Variants in FAM193A observed in about 807,000 individuals in gnomAD.
FAM193A encodes family with sequence similarity 193 member A, also known as protein FAM193A.
In FAM193A, 22 loss-of-function variants were observed where a neutral mutation model predicts 126.5. That is an observed-to-expected ratio of 0.17 (90% CI 0.12 to 0.25). The LOEUF (loss-of-function observed/expected upper bound fraction) is 0.25. Ranked by LOEUF, FAM193A falls within the 10% of genes least tolerant of loss-of-function variation. The probability of loss-of-function intolerance (pLI) is 1.00; values close to 1 mark genes in which losing one functional copy is unlikely to be tolerated. For synonymous variants in FAM193A, 761 were observed against 646.8 expected (o/e 1.18, Z -2.68); for missense variants, 1,675 against 1,672.8 (o/e 1.00, Z -0.02).
Position 2,659,630 on chromosome 4 carries a change from C to G in FAM193A, c.1462C>G (p.Leu488Val). ...CATGAGGCACATGTTATCGTCCCGG[C>G]TGAGCATGCCCGACTGCCCCAACTG... ...DTMRHMLSSR[L>V]SMPDCPNCNY... Residue 488 changes from leucine to valine, a missense_variant, in exon 9 of 21, where the codon CTG (leucine) becomes GTG (valine). Leu to Val is a conservative substitution (Grantham distance 32). This residue lies in a region of FAM193A where 1,186 missense variants were observed against 1,109.2 expected (regional missense o/e 1.07). Coordinates refer to ENST00000637812, the MANE Select transcript of FAM193A (RefSeq NM_001366318.2). 6.2e-7 allele frequency: 1 copy of G among 1,614,162 alleles called. No individual in the cohort carries two copies.
intron 1 of FAM193A, among the ~76,000 whole-genome samples, chr4:2,545,981 C>G (rs1737521801): frequency 6.6e-6 from 1 of 152,052 alleles, no homozygotes; most frequent in Non-Finnish European, 1.5e-5. Context: ...AATCGTGTCT[C>G]TACTAAAAAT....
intron 19 of FAM193A, among the ~76,000 whole-genome samples, chr4:2,709,687 A>G (rs1327761651): frequency 6.6e-6 from 1 of 152,092 alleles, no homozygotes; most frequent in Non-Finnish European, 1.5e-5. Context: ...CCAGCCTGGG[A>G]CAGAGAGACT....
At chr4:2,584,739 A>G (rs922313690) in intron 1 of FAM193A, among the ~76,000 whole-genome samples, 4 of 152,096 alleles carry the variant, frequency 2.6e-5, no homozygotes, top group African/African-American at 9.7e-5. Flanking sequence ...ATCCTGGCCA[A>G]CATAGTGAAA....
chr4:2,600,957 T>C (rs1741161132), intron 2 of FAM193A, among the ~76,000 whole-genome samples: 1 of 152,194 alleles, frequency 6.6e-6, no homozygotes, highest in Non-Finnish European at 1.5e-5. Context: ...GTTATATTCT[T>C]AGAAATTGTC....
chr4:2,650,659 C>G (rs1398546863), intron 7 of FAM193A, among the ~76,000 whole-genome samples: 1 of 152,158 alleles, frequency 6.6e-6, no homozygotes, highest in African/African-American at 2.4e-5. Context: ...AAGAGTGTCT[C>G]TGTTGACGAC....
intron 4 of FAM193A, among the ~76,000 whole-genome samples, chr4:2,627,219 G>T (rs1560494465): frequency 7.2e-6 from 1 of 138,272 alleles, no homozygotes; most frequent in Admixed American, 8.2e-5. Flanking sequence ...GTAGTCCAAT[G>T]GCGTGATCTT....
chr4:2,578,716 A>G (rs1443511488), intron 1 of FAM193A, among the ~76,000 whole-genome samples: 1 of 152,204 alleles, frequency 6.6e-6, no homozygotes, highest in Non-Finnish European at 1.5e-5. Flanking sequence ...ACATTCGATG[A>G]ACAAATATTT....
intron 2 of FAM193A, among the ~76,000 whole-genome samples, chr4:2,598,661 C>T (rs1741010430): frequency 6.6e-6 from 1 of 152,172 alleles, no homozygotes; most frequent in South Asian, 2.1e-4. Context: ...CTTTCTGTTT[C>T]TCTTGTTCTG....
intron 1 of FAM193A, among the ~76,000 whole-genome samples, chr4:2,562,636 G>T (rs1459516685): frequency 1.2e-4 from 17 of 142,392 alleles, no homozygotes; most frequent in East Asian, 4.1e-4. Flanking sequence ...TCCTTTTTTT[G>T]TTTTTTTTTT....
At chr4:2,714,876 G>C (rs1024728257) in intron 19 of FAM193A, among the ~76,000 whole-genome samples, 2 of 152,088 alleles carry the variant, frequency 1.3e-5, no homozygotes, top group Non-Finnish European at 2.9e-5. Flanking sequence ...TGTTCACATC[G>C]ATGAGGCTGA....
chr4:2,650,369 G>A (rs2109066767), intron 7 of FAM193A, among the ~76,000 whole-genome samples: 1 of 152,302 alleles, frequency 6.6e-6, no homozygotes. Context: ...GAGATCTCAG[G>A]CCATCAGTAG....
intron 20 of FAM193A, among the ~76,000 whole-genome samples, chr4:2,720,483 C>T (rs947801589): frequency 2.6e-5 from 4 of 151,900 alleles, no homozygotes; most frequent in Non-Finnish European, 5.9e-5. Context: ...AAGATACTGT[C>T]TCTACAAAAA....
chr4:2,546,870 C>T (rs960248024), intron 1 of FAM193A, among the ~76,000 whole-genome samples: 4 of 152,294 alleles, frequency 2.6e-5, no homozygotes, highest in South Asian at 4.1e-4. Context: ...TGCCTACTCA[C>T]GCAATGTCTG....
intron 20 of FAM193A, among the ~76,000 whole-genome samples, chr4:2,721,167 G>A (rs1406120722): frequency 2.6e-5 from 4 of 152,044 alleles, no homozygotes; most frequent in African/African-American, 4.8e-5. Context: ...CAAAAAATTA[G>A]CCAGGCGTGG....
In FAM193A at chr4:2,555,263, A is replaced by G. The variant is rs1189446450; in HGVS notation, c.255+18093A>G. 2.0e-5 allele frequency among the ~76,000 whole-genome samples: 3 copies of G among 152,206 alleles called. No homozygotes were observed. In the East Asian group the frequency reaches 5.8e-4, roughly 29 times the overall value. On this transcript the variant is annotated intron_variant, in intron 1 of 20. Transcript: ENST00000637812. ...TTAGAGTTTGACCAGTATGAGTTCA[A>G]ATCATAGGCCTCTATATGTCATGGG... is the stretch of plus-strand genomic sequence containing the variant.
chr4:2,546,508 A>C (rs943178461), intron 1 of FAM193A, among the ~76,000 whole-genome samples: 2 of 152,172 alleles, frequency 1.3e-5, no homozygotes, highest in Non-Finnish European at 2.9e-5. Context: ...ATGGACTCAT[A>C]CAGTCCATTT....
At chr4:2,563,047 C>T (rs1440223887) in intron 1 of FAM193A, among the ~76,000 whole-genome samples, 2 of 151,912 alleles carry the variant, frequency 1.3e-5, no homozygotes, top group Non-Finnish European at 2.9e-5. Context: ...CAGATTCAAG[C>T]GATTATCTTG....
chr4:2,632,633 A>G (rs1424676926), intron 5 of FAM193A, among the ~76,000 whole-genome samples: 3 of 133,654 alleles, frequency 2.2e-5, no homozygotes, highest in African/African-American at 8.3e-5. Flanking sequence ...GCGCCAAGCC[A>G]TGGGGAGGTA....
At chr4:2,557,580 A>G (rs1028272776) in intron 1 of FAM193A, among the ~76,000 whole-genome samples, 3 of 152,090 alleles carry the variant, frequency 2.0e-5, no homozygotes, top group Non-Finnish European at 4.4e-5. Context: ...ATTTTCTTCA[A>G]AGGATTCCTG....
Sources: gnomAD v4.1 joint callset for allele counts (sites outside exome capture counted in the v4.1 genomes callset) on GRCh38, gnomAD v4.1.1 for gene constraint, gnomAD v4.1.1 regional missense constraint, MANE v1.5 for transcripts, NCBI Gene and HGNC (gene_info 2026-07-23, HGNC 2026-07-21) for gene names.